EPB41L2: variants seen among roughly 807,000 people sequenced by gnomAD.
EPB41L2 encodes erythrocyte membrane protein band 4.1 like 2.
A neutral mutation model predicts 113.0 loss-of-function variants in EPB41L2; 43 were observed. The observed-to-expected ratio is 0.38, with a 90% confidence interval of 0.30 to 0.49. EPB41L2 has a LOEUF of 0.49. Ranked by LOEUF, EPB41L2 falls within the 20% of genes least tolerant of loss-of-function variation. The probability of loss-of-function intolerance (pLI) is 0.95; values close to 1 mark genes in which losing one functional copy is unlikely to be tolerated. For missense variants in EPB41L2, 1,147 were observed against 1,223.4 expected (o/e 0.94, Z 0.93); for synonymous variants, 442 against 436.7 (o/e 1.01, Z -0.15).
At chr6:130,844,436 G>A (rs1323437901) in intron 19 of EPB41L2, among the ~76,000 whole-genome samples, 1 of 152,066 alleles carries the variant, frequency 6.6e-6, no homozygotes, top group Non-Finnish European at 1.5e-5. Flanking sequence ...GCTGGGCATG[G>A]TGGTGGGCGC....
chr6:130,920,964 G>A (rs1289928598), intron 4 of EPB41L2, among the ~76,000 whole-genome samples: 1 of 152,060 alleles, frequency 6.6e-6, no homozygotes, highest in Non-Finnish European at 1.5e-5. Flanking sequence ...CTTCCTCCAA[G>A]GTCCCTGTGT....
intron 1 of EPB41L2, among the ~76,000 whole-genome samples, chr6:131,061,035 AG>A (rs1258181771): frequency 1.3e-5 from 2 of 152,196 alleles, no homozygotes; most frequent in Non-Finnish European, 2.9e-5. Context: ...GAAGAGTTCG[AG>A]GGACGTGGCT....
At chr6:131,001,335 G>C (rs1452450958) in intron 1 of EPB41L2, among the ~76,000 whole-genome samples, 1 of 152,104 alleles carries the variant, frequency 6.6e-6, no homozygotes, top group Admixed American at 6.5e-5. Context: ...AAGAGAAAGA[G>C]AGCACGTGAG....
rs1193309455 is a variant in EPB41L2, at chr6:130,878,226, T to C, written c.1921A>G (p.Ile641Val). ...CTAATGCTAGCCTGATGTTTCAGTA[T>C]GTCCTCCTGGGCCTTATCCAGTTCC... is the stretch of plus-strand genomic sequence containing the variant. ...LEELDKAQED[I>V]LKHQASISEL... Residue 641 changes from isoleucine (I) to valine (V), a missense_variant, in exon 14 of 20, where the codon ATA becomes GTA. Ile to Val is a conservative substitution (Grantham distance 29, BLOSUM62 3). Transcript: ENST00000337057. The C allele has an allele frequency of 8.1e-6, 13 of 1,613,014 alleles. No homozygotes were observed. Among genetic ancestry groups the C allele is most frequent in the Non-Finnish European group, 1.0e-5 (12 of 1,179,610 alleles).
At chr6:130,905,489 G>A (rs1797473283) in intron 5 of EPB41L2, among the ~76,000 whole-genome samples, 1 of 151,566 alleles carries the variant, frequency 6.6e-6, no homozygotes, top group African/African-American at 2.4e-5. Flanking sequence ...CATGATCATG[G>A]CTCACTGCAA....
intron 19 of EPB41L2, among the ~76,000 whole-genome samples, chr6:130,845,961 A>T (rs894102145): frequency 6.6e-6 from 1 of 152,238 alleles, no homozygotes; most frequent in African/African-American, 2.4e-5. Flanking sequence ...ACTTGAGAGA[A>T]TCACTGACAG....
chr6:130,844,518 C>G (rs1331318525), intron 19 of EPB41L2, among the ~76,000 whole-genome samples: 1 of 152,088 alleles, frequency 6.6e-6, no homozygotes, highest in East Asian at 1.9e-4. Context: ...GTTGCGCAAG[C>G]TGGGATCGTG....
chr6:130,876,844 A>C, intron 14 of EPB41L2: 1 of 983,998 alleles, frequency 1.0e-6, no homozygotes, highest in Non-Finnish European at 1.4e-6. Flanking sequence ...CAACACAAAC[A>C]CAAAATACTG....
chr6:130,943,943 T>TAC (rs1380378357), intron 3 of EPB41L2, among the ~76,000 whole-genome samples: 1 of 152,120 alleles, frequency 6.6e-6, no homozygotes, highest in Non-Finnish European at 1.5e-5. Context: ...GAATGTGAGC[T>TAC]CCTAAAGGGC....
rs1285368507 is a variant in EPB41L2, at chr6:130,900,885, A to C, written c.1148+77T>G. On this transcript the variant is annotated intron_variant, in intron 7 of 19. Coordinates refer to ENST00000337057, the MANE Select transcript of EPB41L2 (RefSeq NM_001431.4). ...TTGGATAATCCTGTAAATCATGCTCAAATGTCTAGTAAGTGCTACAAGAGA... is the reference window on the plus strand; with the variant it reads ...TTGGATAATCCTGTAAATCATGCTCCAATGTCTAGTAAGTGCTACAAGAGA... 1.2e-5 allele frequency: 18 copies of C among 1,515,778 alleles called. No individual in the cohort carries two copies. In the Admixed American group the frequency reaches 1.4e-4, roughly 12 times the overall value. The allele number at this position is 1,515,778 out of a possible 1,614,324, so 93.9% of individuals were successfully genotyped here. A position where few individuals can be genotyped will look rare whatever the true frequency, so the allele number is the denominator to read the frequency against.
chr6:130,867,379 A>C, intron 16 of EPB41L2, 80 bp downstream of exon 16: 1 of 1,542,604 alleles, frequency 6.5e-7, no homozygotes, highest in Non-Finnish European at 8.7e-7. Flanking sequence ...AAACATGTAA[A>C]CTAAGAGAAG....
At chr6:130,934,633 T>C (rs1211142446) in intron 3 of EPB41L2, among the ~76,000 whole-genome samples, 1 of 151,956 alleles carries the variant, frequency 6.6e-6, no homozygotes, top group Non-Finnish European at 1.5e-5. Flanking sequence ...CCACCATGCC[T>C]GGCTAATTTT....
At chr6:130,953,198 G>A (rs903931507) in intron 3 of EPB41L2, among the ~76,000 whole-genome samples, 1 of 151,836 alleles carries the variant, frequency 6.6e-6, no homozygotes, top group Admixed American at 6.6e-5. Context: ...CAAATATAAT[G>A]TAATCAAGTT....
At position 131,025,308 on chromosome 6, in the gene EPB41L2, T is replaced by C. The variant is rs146835386; in HGVS notation, c.-15+37847A>G. ...ACTTAGCATAATACCACAATAGTGCTAGCTATTTTATTATTAATCATGAAA... is the reference window on the plus strand; with the variant it reads ...ACTTAGCATAATACCACAATAGTGCCAGCTATTTTATTATTAATCATGAAA... On this transcript the variant is annotated intron_variant, in intron 1 of 19. Coordinates refer to ENST00000337057, the MANE Select transcript of EPB41L2 (RefSeq NM_001431.4). 9.8e-5 allele frequency among the ~76,000 whole-genome samples: 15 copies of C among 152,336 alleles called. No individual in the cohort carries two copies. In the East Asian group the frequency reaches 2.9e-3, roughly 29 times the overall value.
intron 3 of EPB41L2, among the ~76,000 whole-genome samples, chr6:130,945,248 G>C (rs1420428121): frequency 2.0e-5 from 3 of 152,098 alleles, no homozygotes; most frequent in African/African-American, 7.2e-5. Context: ...ACCTTGGAGG[G>C]TGAAAAGAAA....
chr6:131,043,354 T>C (rs1794802919), intron 1 of EPB41L2, among the ~76,000 whole-genome samples: 1 of 152,018 alleles, frequency 6.6e-6, no homozygotes, highest in Non-Finnish European at 1.5e-5. Context: ...TTACATTTAG[T>C]ATTTAGGTAT....
At chr6:130,898,060 C>A (rs1795180667) in intron 8 of EPB41L2, among the ~76,000 whole-genome samples, 1 of 148,304 alleles carries the variant, frequency 6.7e-6, no homozygotes. Flanking sequence ...ATAGTATGAC[C>A]CCATTTTTAG....
intron 1 of EPB41L2, among the ~76,000 whole-genome samples, chr6:131,048,896 A>T (rs936940756): frequency 6.6e-6 from 1 of 152,066 alleles, no homozygotes; most frequent in African/African-American, 2.4e-5. Context: ...AAAAAACCTA[A>T]CCAGAAAAAA....
At chr6:131,023,362 T>C (rs1789965665) in intron 1 of EPB41L2, among the ~76,000 whole-genome samples, 1 of 152,238 alleles carries the variant, frequency 6.6e-6, no homozygotes, top group African/African-American at 2.4e-5. Context: ...TAATTCCATC[T>C]ACTATTTAGT....
Sources: gnomAD v4.1 joint callset for allele counts (sites outside exome capture counted in the v4.1 genomes callset) on GRCh38, gnomAD v4.1.1 for gene constraint, MANE v1.5 for transcripts, NCBI Gene and HGNC (gene_info 2026-07-23, HGNC 2026-07-21) for gene names.